TNIK: variants seen among roughly 807,000 people sequenced by gnomAD.
TNIK encodes the protein TRAF2 and NCK interacting kinase, also known as TRAF2 and NCK-interacting protein kinase.
Under a neutral mutation model 191.3 loss-of-function variants are expected in TNIK, and 49 were observed. The observed-to-expected ratio is 0.26, with a 90% CI of 0.20 to 0.32. The LOEUF (loss-of-function observed/expected upper bound fraction) is 0.32, where lower values mean the gene tolerates loss of function less well. Ranked by LOEUF, TNIK falls within the 10% of genes least tolerant of loss-of-function variation. The pLI, the probability that TNIK is intolerant of heterozygous loss-of-function variation, is 1.00. For synonymous variants in TNIK, 594 were observed against 600.9 expected, an observed-to-expected ratio of 0.99 and a Z score of 0.17; for missense variants, 1,155 against 1,702.3, an observed-to-expected ratio of 0.68 and a Z score of 5.66.
At chr3:171,439,837 C>A (rs1726542690) in intron 1 of TNIK, among the ~76,000 whole-genome samples, 1 of 152,314 alleles carries the variant, frequency 6.6e-6, no homozygotes, top group Non-Finnish European at 1.5e-5. Flanking sequence ...GCCTGTGCCA[C>A]CCACCCACCT....
chr3:171,111,004 G>A (rs762367122), intron 18 of TNIK, 127 bp from the exon 19 acceptor site: 5 of 926,686 alleles, frequency 5.4e-6, no homozygotes, highest in South Asian at 3.1e-5. Flanking sequence ...GCAAGAAAAC[G>A]AATAACCCAA....
At chr3:171,213,535 G>A (rs1184959686) in intron 3 of TNIK, among the ~76,000 whole-genome samples, 1 of 152,030 alleles carries the variant, frequency 6.6e-6, no homozygotes, top group Non-Finnish European at 1.5e-5. Flanking sequence ...GGGAGGGGGG[G>A]ACTGCCTATA....
chr3:171,085,074 G>C, intron 25 of TNIK, 44 bp downstream of exon 25: 1 of 1,500,924 alleles, frequency 6.7e-7, no homozygotes, highest in Non-Finnish European at 9.1e-7. Context: ...ATACCAGAAA[G>C]GAAGACGAAG....
At chr3:171,362,149 G>T (rs947309190) in intron 2 of TNIK, among the ~76,000 whole-genome samples, 2 of 152,100 alleles carry the variant, frequency 1.3e-5, no homozygotes, top group African/African-American at 2.4e-5. Flanking sequence ...CCCCACCAAA[G>T]TTCCACAGTG....
chr3:171,200,229 A>C (rs1739236631), intron 4 of TNIK, among the ~76,000 whole-genome samples: 1 of 148,994 alleles, frequency 6.7e-6, no homozygotes, highest in South Asian at 2.2e-4. Flanking sequence ...TCAGAAACTT[A>C]AATAAACATG....
At chr3:171,182,286 G>T (rs1473607096) in intron 7 of TNIK, among the ~76,000 whole-genome samples, 1 of 142,224 alleles carries the variant, frequency 7.0e-6, no homozygotes, top group Non-Finnish European at 1.5e-5. Context: ...AACTGCCCAT[G>T]CTAGAAAGCC....
chr3:171,091,398 G>T (rs1722033722), intron 23 of TNIK, among the ~76,000 whole-genome samples: 1 of 152,170 alleles, frequency 6.6e-6, no homozygotes, highest in Non-Finnish European at 1.5e-5. Context: ...GCATATGGCA[G>T]ATCATGGGAC....
intron 23 of TNIK, among the ~76,000 whole-genome samples, chr3:171,089,555 A>G (rs1005584267): frequency 3.3e-5 from 5 of 152,198 alleles, no homozygotes; most frequent in Non-Finnish European, 7.3e-5. Flanking sequence ...GAGGCTAACA[A>G]GGGGAAGTGG....
At chr3:171,397,742 C>G (rs981200148) in intron 1 of TNIK, among the ~76,000 whole-genome samples, 2 of 152,044 alleles carry the variant, frequency 1.3e-5, no homozygotes, top group Admixed American at 1.3e-4. Context: ...TTATAATTTC[C>G]TAAAACCCAA....
intron 2 of TNIK, among the ~76,000 whole-genome samples, chr3:171,234,889 T>TGC (rs1008683422): frequency 2.6e-5 from 4 of 152,280 alleles, no homozygotes; most frequent in Non-Finnish European, 5.9e-5. Context: ...GCCAGGGCCT[T>TGC]GCGCCAAGAA....
rs1325319612 is a variant in TNIK at position 171,128,880 on chromosome 3, T to C, written c.1609-2A>G. On this transcript the variant is annotated splice_acceptor_variant, in intron 15 of 32. Coordinates refer to ENST00000436636, the MANE Select transcript of TNIK (RefSeq NM_015028.4). LOFTEE classifies it high-confidence loss of function. ...GTTGAGCCTTGACCGTTCTTCTACC[T>C]ACAACCCAAAAAAAAAAAAAAAAAA... The C allele has an allele frequency of 2.9e-6, 3 of 1,027,362 alleles. No homozygotes were observed. Among genetic ancestry groups the C allele is most frequent in the African/African-American group, 2.6e-5 (1 of 38,262 alleles). The allele number at this position is 1,027,362 out of a possible 1,614,324, so 63.6% of individuals were successfully genotyped here.
intron 2 of TNIK, 38 bp from the exon 3 acceptor site, chr3:171,228,259 A>T: frequency 6.2e-7 from 1 of 1,611,734 alleles, no homozygotes; most frequent in African/African-American, 1.3e-5. Flanking sequence ...TTTAGTTCTG[A>T]TGATGAATAG....
chr3:171,116,549 TTTAA>T (rs1228068248), intron 18 of TNIK, among the ~76,000 whole-genome samples: 5 of 152,244 alleles, frequency 3.3e-5, no homozygotes, highest in Admixed American at 6.5e-5. Context: ...GGGCCAAGTC[TTTAA>T]TTAACTGGCC....
intron 1 of TNIK, among the ~76,000 whole-genome samples, chr3:171,397,709 A>G (rs1720433053): frequency 6.6e-6 from 1 of 152,244 alleles, no homozygotes; most frequent in Admixed American, 6.5e-5. Flanking sequence ...GAAAATGCAT[A>G]CACATATACA....
At chr3:171,377,367 T>G (rs1482486565) in intron 1 of TNIK, among the ~76,000 whole-genome samples, 1 of 152,218 alleles carries the variant, frequency 6.6e-6, no homozygotes, top group Non-Finnish European at 1.5e-5. Context: ...GTGACACTGC[T>G]TTAGATCACC....
chr3:171,235,958 T>C (rs947685643), intron 2 of TNIK, among the ~76,000 whole-genome samples: 2 of 152,238 alleles, frequency 1.3e-5, no homozygotes, highest in South Asian at 2.1e-4. Flanking sequence ...AAATAGCCTG[T>C]GTGAATTGTA....
At chr3:171,152,174 G>A (rs1323856261) in intron 12 of TNIK, among the ~76,000 whole-genome samples, 5 of 152,024 alleles carry the variant, frequency 3.3e-5, no homozygotes, top group African/African-American at 9.7e-5. Flanking sequence ...CCAGCTACTC[G>A]GATGGCTGAG....
chr3:171,140,450 A>G lies in TNIK; in HGVS notation c.1281T>C (p.Tyr427=). Residue 427 remains tyrosine (Y), a synonymous_variant, in exon 13 of 33, where the codon TAT becomes TAC. Coordinates refer to ENST00000436636, the MANE Select transcript of TNIK (RefSeq NM_015028.4). The stretch of plus-strand genomic sequence containing the variant: ...CCTCCTCCCGGCGCATCTGCTCCTC[A>G]TAGTGCCGGCGCTGCTCCCTCTCCT... The part of the protein sequence containing the change: ...KQQEREQRRH[Y]EEQMRREEER... The G allele has an allele frequency of 6.2e-7, 1 of 1,611,870 alleles. No individual in the cohort carries two copies. The highest frequency in any genetic ancestry group is 8.5e-7 in the Non-Finnish European group (1 of 1,179,050).
intron 7 of TNIK, among the ~76,000 whole-genome samples, chr3:171,185,716 TACTTTAGGTTTTGTA>T (rs1737280310): frequency 1.3e-5 from 2 of 152,240 alleles, no homozygotes; most frequent in African/African-American, 4.8e-5. Flanking sequence ...TACGTTGAGT[TACTTTAGGTTTTGTA>T]AAAAGTTATA....
Sources: gnomAD v4.1 joint callset for allele counts (sites outside exome capture counted in the v4.1 genomes callset) on GRCh38, gnomAD v4.1.1 for gene constraint, MANE v1.5 for transcripts, NCBI Gene and HGNC (gene_info 2026-07-23, HGNC 2026-07-21) for gene names.